The following TNRC6A variants were observed in gnomAD, a reference collection of about 807,000 sequenced individuals.
TNRC6A encodes the protein trinucleotide repeat containing adaptor 6A.
A neutral mutation model predicts 221.2 loss-of-function variants in TNRC6A; 44 were observed. That is an observed-to-expected ratio of 0.20 (90% CI 0.16 to 0.26). The LOEUF (loss-of-function observed/expected upper bound fraction) is 0.26, where lower values mean the gene tolerates loss of function less well. TNRC6A is among the 10% of genes least tolerant of loss of function. The pLI, the probability that TNRC6A is intolerant of heterozygous loss-of-function variation, is 1.00. For missense variants in TNRC6A, 2,199 were observed against 2,404.4 expected (o/e 0.91, Z 1.79); for synonymous variants, 847 against 838.5 (o/e 1.01, Z -0.18).
chr16:24,763,340 C>T (rs1413605480), intron 4 of TNRC6A, among the ~76,000 whole-genome samples: 1 of 152,176 alleles, frequency 6.6e-6, no homozygotes, highest in Non-Finnish European at 1.5e-5. Flanking sequence ...GCTTGAATAA[C>T]AGTTAAATCC....
At chr16:24,804,949 G>A in intron 13 of TNRC6A, 65 bp from the exon 14 acceptor site, 1 of 1,613,976 alleles carries the variant, frequency 6.2e-7, no homozygotes, top group South Asian at 1.1e-5. Flanking sequence ...TCATAGTACA[G>A]TGTGGTAATG....
chr16:24,732,602 G>A lies in TNRC6A; in HGVS notation c.53+2302G>A, dbSNP rs879683057. ...TAATTGGAGTAACTTTTTAGGCTTC[G>A]AACTTGCAAAATTTGAAAATTTCTT... On this transcript the variant is annotated intron_variant, in intron 2 of 24. Transcript: ENST00000395799. 2.0e-5 allele frequency among the ~76,000 whole-genome samples: 3 copies of A among 152,240 alleles called. No homozygotes were observed. The East Asian group carries it at 5.8e-4, about 29-fold the overall frequency.
At chr16:24,688,853 G>A (rs1022275352) in intron 2 of TNRC6A, among the ~76,000 whole-genome samples, 3 of 152,178 alleles carry the variant, frequency 2.0e-5, no homozygotes, top group South Asian at 2.1e-4. Context: ...GGACTTTATG[G>A]ATACAATGAA....
chr16:24,709,580 T>C (rs1310943005), intron 2 of TNRC6A, among the ~76,000 whole-genome samples: 1 of 152,020 alleles, frequency 6.6e-6, no homozygotes, highest in Non-Finnish European at 1.5e-5. Context: ...TCTTAGCACT[T>C]TGGGAGGCTG....
At chr16:24,793,772 AGAT>A (rs764670828) in intron 7 of TNRC6A, 123 bp downstream of exon 7, 57 of 854,712 alleles carry the variant, frequency 6.7e-5, no homozygotes, top group Non-Finnish European at 7.9e-5. Flanking sequence ...GTAACATGAT[AGAT>A]GATGTTCAGT....
At chr16:24,621,836 C>T (rs1477519389) in intron 1 of TNRC6A, among the ~76,000 whole-genome samples, 2 of 152,116 alleles carry the variant, frequency 1.3e-5, no homozygotes, top group Non-Finnish European at 2.9e-5. Flanking sequence ...GACTCGGAAG[C>T]ATAATTAGTG....
chr16:24,796,789 A>G (rs1008848643), intron 9 of TNRC6A, among the ~76,000 whole-genome samples: 1 of 152,218 alleles, frequency 6.6e-6, no homozygotes, highest in Non-Finnish European at 1.5e-5. Context: ...CAGTGAGACC[A>G]TAATGAGAGA....
chr16:24,678,862 C>T (rs2055472312), intron 2 of TNRC6A, among the ~76,000 whole-genome samples: 1 of 152,198 alleles, frequency 6.6e-6, no homozygotes, highest in Non-Finnish European at 1.5e-5. Context: ...ATACATGACC[C>T]AGGCTCCATT....
chr16:24,746,393 CTGAG>C (rs1424670910), intron 2 of TNRC6A, among the ~76,000 whole-genome samples: 1 of 152,126 alleles, frequency 6.6e-6, no homozygotes, highest in Non-Finnish European at 1.5e-5. Context: ...CTCGGGGCAA[CTGAG>C]TGAGACTTCG....
chr16:24,797,982 A>G lies in TNRC6A; in HGVS notation c.3694+16A>G. On this transcript the variant is annotated intron_variant, in intron 11 of 24. Coordinates refer to ENST00000395799, the MANE Select transcript of TNRC6A (RefSeq NM_014494.4). The stretch of plus-strand genomic sequence containing the variant: ...CTTTCTGGAGGTAAGAGAAAATTAA[A>G]TCTGTTTATATTCCTCATTGAGGGA... 1 of 1,604,270 alleles carries G rather than the reference A, an allele frequency of 6.2e-7. No homozygotes were observed. Among genetic ancestry groups the G allele is most frequent in the Non-Finnish European group, 8.5e-7 (1 of 1,173,640 alleles).
chr16:24,740,067 G>T (rs2056859716), intron 2 of TNRC6A, among the ~76,000 whole-genome samples: 1 of 152,136 alleles, frequency 6.6e-6, no homozygotes, highest in African/African-American at 2.4e-5. Flanking sequence ...TTGGCACCCT[G>T]TTGAAGGTCA....
intron 2 of TNRC6A, among the ~76,000 whole-genome samples, chr16:24,747,915 G>T (rs2057048048): frequency 6.6e-6 from 1 of 152,148 alleles, no homozygotes; most frequent in South Asian, 2.1e-4. Flanking sequence ...ACCATTACAT[G>T]GAGTAAAATT....
intron 2 of TNRC6A, among the ~76,000 whole-genome samples, chr16:24,712,925 G>A (rs112479643): frequency 3.7e-4 from 56 of 149,878 alleles, no homozygotes; most frequent in Admixed American, 1.5e-3. Flanking sequence ...GTGTGTGTGT[G>A]TGTGTGTGTG....
In TNRC6A at chr16:24,783,914, A is replaced by G. The variant is rs149684299; in HGVS notation, c.590-5318A>G. On this transcript the variant is annotated intron_variant, in intron 5 of 24. Coordinates refer to ENST00000395799, the MANE Select transcript of TNRC6A (RefSeq NM_014494.4). Reference sequence around the variant, plus strand: ...GAAATAATCTCTGACTCTGAAACATATTAGTTATACCTGAGGAGTCCTGTT... The same window carrying G: ...GAAATAATCTCTGACTCTGAAACATGTTAGTTATACCTGAGGAGTCCTGTT... Among the ~76,000 whole-genome samples the G allele has an allele frequency of 3.5e-3, 526 of 152,332 alleles. 7 individuals are homozygous for G. Among genetic ancestry groups the G allele is most frequent in the African/African-American group, 0.01 (422 of 41,570 alleles).
At chr16:24,693,825 A>G (rs976670786) in intron 2 of TNRC6A, among the ~76,000 whole-genome samples, 1 of 150,150 alleles carries the variant, frequency 6.7e-6, no homozygotes, top group Non-Finnish European at 1.5e-5. Flanking sequence ...AGTTGAGCCC[A>G]GGATGTCACG....
At chr16:24,727,847 C>A (rs78778437), upstream of TNRC6A, among the ~76,000 whole-genome samples, 1,066 of 152,008 alleles carry the variant, frequency 7.0e-3, 2 homozygotes, top group Non-Finnish European at 0.012. Context: ...GGTAAATGAA[C>A]CTCAGGGATG....
rs529402250 is a variant in TNRC6A at position 24,630,808 on chromosome 16, A to G, written n.277-10076A>G. Among the ~76,000 whole-genome samples the G allele has an allele frequency of 8.9e-4, 136 of 152,290 alleles. 2 individuals carry two copies. In the Middle Eastern group the frequency reaches 0.017, roughly 19 times the overall value. On this transcript the variant is annotated intron_variant and non_coding_transcript_variant, in intron 1 of 2. Coordinates refer to the TNRC6A transcript ENST00000566108. ...TCCCTTCACGGACTCTACTCAGAGTACCTAAAACCCTGGGATTCCCTGTCT... is the reference window on the plus strand; with the variant it reads ...TCCCTTCACGGACTCTACTCAGAGTGCCTAAAACCCTGGGATTCCCTGTCT...
intron 2 of TNRC6A, among the ~76,000 whole-genome samples, chr16:24,643,079 T>TA (rs1555483531): frequency 4.0e-5 from 5 of 124,502 alleles, no homozygotes; most frequent in Non-Finnish European, 8.8e-5. Context: ...TATATATATA[T>TA]TATATATATA....
At chr16:24,621,422 G>A (rs1189958935) in intron 1 of TNRC6A, among the ~76,000 whole-genome samples, 3 of 142,514 alleles carry the variant, frequency 2.1e-5, no homozygotes, top group African/African-American at 5.3e-5. Context: ...GCAATGGTGC[G>A]ATCTCGGCTC....
Sources: gnomAD v4.1 joint callset for allele counts (sites outside exome capture counted in the v4.1 genomes callset) on GRCh38, gnomAD v4.1.1 for gene constraint, MANE v1.5 for transcripts, NCBI Gene and HGNC (gene_info 2026-07-23, HGNC 2026-07-21) for gene names.